SLC35F1: variants seen among roughly 807,000 people sequenced by gnomAD.
SLC35F1 encodes solute carrier family 35 member F1, also known as chromosome 6 open reading frame 169.
A neutral mutation model predicts 48.7 loss-of-function variants in SLC35F1; 14 were observed. The ratio of observed to expected loss-of-function variants is 0.29; its 90% CI spans 0.19 to 0.45. The LOEUF (loss-of-function observed/expected upper bound fraction) is 0.45. SLC35F1 is among the 20% of genes least tolerant of loss of function. The pLI is 1.00. For missense variants in SLC35F1, 404 were observed against 500.0 expected, an observed-to-expected ratio of 0.81 and a Z score of 1.83; for synonymous variants, 190 against 202.2, an observed-to-expected ratio of 0.94 and a Z score of 0.51.
At chr6:118,038,147 A>G (rs982316702) in intron 1 of SLC35F1, among the ~76,000 whole-genome samples, 5 of 152,186 alleles carry the variant, frequency 3.3e-5, no homozygotes, top group Non-Finnish European at 7.3e-5. Flanking sequence ...AGTTATATCT[A>G]CATACATTAA....
intron 1 of SLC35F1, among the ~76,000 whole-genome samples, chr6:117,988,310 G>T (rs1776873751): frequency 6.6e-6 from 1 of 152,136 alleles, no homozygotes; most frequent in Non-Finnish European, 1.5e-5. Flanking sequence ...CTTTCTGCTT[G>T]TAGTCACTTC....
chr6:118,036,072 T>A (rs1772127922), intron 1 of SLC35F1, among the ~76,000 whole-genome samples: 2 of 152,336 alleles, frequency 1.3e-5, no homozygotes, highest in Non-Finnish European at 2.9e-5. Flanking sequence ...GTTTCCTAAC[T>A]TCTATTTATT....
At chr6:117,939,671 G>T (rs1039822673) in intron 1 of SLC35F1, among the ~76,000 whole-genome samples, 1 of 152,198 alleles carries the variant, frequency 6.6e-6, no homozygotes, top group South Asian at 2.1e-4. Flanking sequence ...AATATAACAA[G>T]GACATCTTAC....
intron 1 of SLC35F1, among the ~76,000 whole-genome samples, chr6:117,961,265 A>G (rs1776494983): frequency 6.6e-6 from 1 of 152,196 alleles, no homozygotes; most frequent in South Asian, 2.1e-4. Context: ...AGCAGATTCA[A>G]TTATTCTGAC....
rs535155092 is a variant in SLC35F1, at chr6:118,317,276, C to G, written c.*3024C>G. On this transcript the variant is annotated 3_prime_UTR_variant, in exon 8 of 8. Transcript: ENST00000360388. ...ATCTACATACTCTCAAATACATGAC[C>G]AGGTGATCAAGCAATGGAAAAATTT... The G allele has an allele frequency of 6.6e-6, 1 of 152,268 alleles. No individual in the cohort carries two copies. The highest frequency in any genetic ancestry group is 1.5e-5 in the Non-Finnish European group (1 of 68,026). 9.4% of individuals were successfully genotyped at this position (152,268 alleles called of 1,614,324 possible).
intron 1 of SLC35F1, among the ~76,000 whole-genome samples, chr6:118,079,986 T>C (rs569163791): frequency 2.5e-4 from 38 of 152,316 alleles, no homozygotes; most frequent in Non-Finnish European, 5.1e-4. Context: ...AACTTTGCTT[T>C]TACTGTTCAA....
intron 3 of SLC35F1, among the ~76,000 whole-genome samples, chr6:118,254,221 G>C (rs1562340585): frequency 6.6e-6 from 1 of 152,070 alleles, no homozygotes; most frequent in Non-Finnish European, 1.5e-5. Context: ...TAACAATCCT[G>C]GTCACTTAGT....
At chr6:118,211,261 A>T (rs1774997818) in intron 2 of SLC35F1, among the ~76,000 whole-genome samples, 1 of 152,230 alleles carries the variant, frequency 6.6e-6, no homozygotes, top group African/African-American at 2.4e-5. Flanking sequence ...CCTAGTCAGA[A>T]GTGAGCCCTT....
intron 1 of SLC35F1, among the ~76,000 whole-genome samples, chr6:118,144,274 C>T (rs142901490): frequency 7.5e-4 from 114 of 152,228 alleles, no homozygotes; most frequent in African/African-American, 2.7e-3. Context: ...GGAACAAGAT[C>T]ATGTCCTTTG....
chr6:118,094,226 A>G (rs1212317895), intron 1 of SLC35F1, among the ~76,000 whole-genome samples: 1 of 152,190 alleles, frequency 6.6e-6, no homozygotes, highest in East Asian at 1.9e-4. Flanking sequence ...TCAGGGCACA[A>G]ATAGAGGGCT....
At chr6:118,212,037 GT>G (rs1414898122) in intron 2 of SLC35F1, among the ~76,000 whole-genome samples, 1 of 152,062 alleles carries the variant, frequency 6.6e-6, no homozygotes, top group Non-Finnish European at 1.5e-5. Flanking sequence ...ATTTCCTCAG[GT>G]AAATAAGCTC....
chr6:118,272,431 A>G (rs565171955), intron 4 of SLC35F1, among the ~76,000 whole-genome samples: 1 of 152,316 alleles, frequency 6.6e-6, no homozygotes, highest in African/African-American at 2.4e-5. Context: ...TACATAAATG[A>G]CAGATGTTCT....
intron 1 of SLC35F1, among the ~76,000 whole-genome samples, chr6:118,047,523 A>G (rs988197081): frequency 2.0e-5 from 3 of 152,140 alleles, no homozygotes; most frequent in African/African-American, 7.2e-5. Context: ...TGGTTGAGCA[A>G]ACTTCTTAAA....
chr6:117,924,499 T>C (rs977882016), intron 1 of SLC35F1, among the ~76,000 whole-genome samples: 1 of 20,986 alleles, frequency 4.8e-5, no homozygotes, highest in African/African-American at 9.2e-5. Flanking sequence ...TATACATATG[T>C]ATATACGTAT....
chr6:118,297,627 TATATATATATAAAAAATATATATATA>T (rs1776203026), intron 7 of SLC35F1, among the ~76,000 whole-genome samples: 1 of 83,894 alleles, frequency 1.2e-5, no homozygotes, highest in South Asian at 3.5e-4. Context: ...AGAACTTATA[TATATATATATAAAAAATATATATATA>T]ATATATATAA....
At chr6:118,312,659 A>C (rs1166450054) in intron 7 of SLC35F1, among the ~76,000 whole-genome samples, 1 of 152,198 alleles carries the variant, frequency 6.6e-6, no homozygotes, top group African/African-American at 2.4e-5. Context: ...TCACTACTGC[A>C]AAAAGAAAGA....
chr6:118,028,559 T>C (rs984882597), intron 1 of SLC35F1, among the ~76,000 whole-genome samples: 1 of 152,004 alleles, frequency 6.6e-6, no homozygotes, highest in African/African-American at 2.4e-5. Context: ...TGGATAGTGT[T>C]GAGTTTTAGA....
rs1562351393 is a variant in SLC35F1, at chr6:118,286,805, T to TG, written c.1002+1467_1002+1468insG. The stretch of plus-strand genomic sequence containing the variant: ...TGTGTGTGTGTGTGTGTGTGTGTGT[T>TG]TGTGTGTGTGTGTGGTGAGAATACT... On this transcript the variant is annotated intron_variant, in intron 7 of 7. Coordinates refer to ENST00000360388, the MANE Select transcript of SLC35F1 (RefSeq NM_001029858.4). Among the ~76,000 whole-genome samples the TG allele has an allele frequency of 5.6e-5, 8 of 143,986 alleles. No individual in the cohort carries two copies. In the South Asian group the frequency reaches 8.8e-4, roughly 16 times the overall value. 94.5% of individuals were successfully genotyped at this position (143,986 alleles called of 152,430 possible).
chr6:118,219,896 T>C (rs968919534), intron 2 of SLC35F1, among the ~76,000 whole-genome samples: 3 of 152,142 alleles, frequency 2.0e-5, no homozygotes, highest in African/African-American at 7.2e-5. Flanking sequence ...GAAACCATCA[T>C]TCTGAGCAAA....
Sources: allele counts gnomAD v4.1 joint callset (sites outside exome capture counted in the v4.1 genomes callset), GRCh38; gene constraint gnomAD v4.1.1; transcripts MANE v1.5; gene names NCBI Gene and HGNC (gene_info 2026-07-23, HGNC 2026-07-21).